The following PRKCD variants were observed in gnomAD, a reference collection of about 807,000 sequenced individuals.
The protein encoded by PRKCD is protein kinase C delta, also known as protein kinase C delta type.
A neutral mutation model predicts 82.2 loss-of-function variants in PRKCD; 20 were observed. The ratio of observed to expected loss-of-function variants is 0.24; its 90% CI spans 0.17 to 0.35. The LOEUF (loss-of-function observed/expected upper bound fraction) is 0.35, where lower values mean the gene tolerates loss of function less well. PRKCD is among the 10% of genes least tolerant of loss of function. The pLI is 1.00. For missense variants in PRKCD, 607 were observed against 899.0 expected, an observed-to-expected ratio of 0.68 and a Z score of 4.15; for synonymous variants, 317 against 337.0, an observed-to-expected ratio of 0.94 and a Z score of 0.65.
intron 1 of PRKCD, among the ~76,000 whole-genome samples, chr3:53,162,301 A>G: frequency 6.7e-6 from 1 of 149,910 alleles, no homozygotes. Context: ...CTGGTGGTGG[A>G]GCGGCAGAAG....
chr3:53,172,039 G>A (rs950803860), intron 2 of PRKCD, among the ~76,000 whole-genome samples: 55 of 152,174 alleles, frequency 3.6e-4, no homozygotes, highest in African/African-American at 9.4e-4. Context: ...GCTGGCTGGG[G>A]GATGAGGTAC....
At position 53,188,808 on chromosome 3, in the gene PRKCD, G is replaced by C; in HGVS notation, c.1504G>C (p.Glu502Gln). Residue 502 changes from glutamate (E) to glutamine (Q), a missense_variant, in exon 16 of 19, where the codon GAG becomes CAG. Transcript: ENST00000330452. ...GATGTGCAAAGAGAACATATTCGGG[G>C]AGAGCCGGGCCAGCACCTTCTGCGG... ...FGMCKENIFG[E>Q]SRASTFCGTP... 6.2e-7 allele frequency: 1 copy of C among 1,614,208 alleles called. No homozygotes were observed. The highest frequency in any genetic ancestry group is 8.5e-7 in the Non-Finnish European group (1 of 1,180,046).
rs568663378 is a variant in PRKCD at position 53,169,370 on chromosome 3, G to C, written c.-20+4155G>C. Among the ~76,000 whole-genome samples the C allele has an allele frequency of 5.9e-5, 9 of 152,266 alleles. No homozygotes were observed. Among genetic ancestry groups the C allele is most frequent in the South Asian group, 4.1e-4 (2 of 4,828 alleles). ...GGGCTCAACAGGCCTTCTAAGGGGT[G>C]GGGGAGCATTTGAGAGGCCCACGAA... On this transcript the variant is annotated intron_variant, in intron 2 of 18. Coordinates refer to ENST00000330452, the MANE Select transcript of PRKCD (RefSeq NM_006254.4). The surrounding 1 kb of genome is among the most constrained non-coding windows in gnomAD (Gnocchi z 4.7).
intron 1 of PRKCD, among the ~76,000 whole-genome samples, chr3:53,164,386 C>G (rs1276121801): frequency 6.6e-6 from 1 of 152,156 alleles, no homozygotes; most frequent in Admixed American, 6.5e-5. Flanking sequence ...AATTTGAGAC[C>G]AGCCTGGCCA....
chr3:53,171,872 C>G (rs1308360281), intron 2 of PRKCD, among the ~76,000 whole-genome samples: 1 of 152,064 alleles, frequency 6.6e-6, no homozygotes, highest in Non-Finnish European at 1.5e-5. Flanking sequence ...TGGGCTTTCT[C>G]CAGGGGCAGT....
intron 2 of PRKCD, among the ~76,000 whole-genome samples, 168 bp from the exon 3 acceptor site, chr3:53,178,235 GC>G (rs1703284622): frequency 6.6e-6 from 1 of 152,162 alleles, no homozygotes; most frequent in Non-Finnish European, 1.5e-5. Context: ...ACTGCGCCTG[GC>G]AAACCTCTCA....
At position 53,186,675 on chromosome 3, in the gene PRKCD, C is replaced by T; in HGVS notation, c.1332C>T (p.Arg444=). The change falls in exon 14 of 19, where the codon CGC becomes CGT. Residue 444 remains arginine, a synonymous_variant. Coordinates refer to ENST00000330452, the MANE Select transcript of PRKCD (RefSeq NM_006254.4). Reference sequence around the variant, plus strand: ...TGTACCACATCCAGGACAAAGGCCGCTTTGAACTCTACCGTGCCACGTACG... The same window carrying T: ...TGTACCACATCCAGGACAAAGGCCGTTTTGAACTCTACCGTGCCACGTACG... ...DLMYHIQDKG[R]FELYRATFYA... The T allele has an allele frequency of 6.2e-7, 1 of 1,613,956 alleles. No individual in the cohort carries two copies. Among genetic ancestry groups the T allele is most frequent in the Non-Finnish European group, 8.5e-7 (1 of 1,179,846 alleles).
Position 53,187,354 on chromosome 3 carries a change from A to G in PRKCD, c.1367A>G (p.Glu456Gly). ...CTCTTGCCCAGGTTTTATGCCGCTG[A>G]GATAATGTGTGGACTGCAGTTTCTA... ...ELYRATFYAA[E>G]IMCGLQFLHS... The change falls in exon 15 of 19, where the codon GAG becomes GGG. Residue 456 changes from glutamate (E) to glycine (G), a missense_variant. Physicochemically the swap from Glu to Gly is moderately conservative, Grantham distance 98. This residue lies in a region of PRKCD where 251 missense variants were observed against 423.9 expected (regional missense o/e 0.59). Transcript: ENST00000330452. The G allele has an allele frequency of 6.2e-7, 1 of 1,614,062 alleles. No individual in the cohort carries two copies. The highest frequency in any genetic ancestry group is 8.5e-7 in the Non-Finnish European group (1 of 1,180,016).
At chr3:53,172,032 G>A (rs1379833734) in intron 2 of PRKCD, among the ~76,000 whole-genome samples, 1 of 152,038 alleles carries the variant, frequency 6.6e-6, no homozygotes, top group Non-Finnish European at 1.5e-5. Flanking sequence ...GAGGAGCGCT[G>A]GCTGGGGGAT....
intron 4 of PRKCD, 105 bp from the exon 5 acceptor site, chr3:53,181,102 C>A: frequency 1.6e-6 from 2 of 1,264,924 alleles, no homozygotes; most frequent in Non-Finnish European, 2.2e-6. Flanking sequence ...CCTTGGGGGG[C>A]TGCCTTGGCC....
intron 15 of PRKCD, among the ~76,000 whole-genome samples, chr3:53,188,291 C>T (rs1703789175): frequency 6.7e-6 from 1 of 148,918 alleles, no homozygotes; most frequent in African/African-American, 2.5e-5. Flanking sequence ...TGATTGAGCT[C>T]AGTGGAAGGT....
rs782245021 is a variant in PRKCD, at chr3:53,179,792, G to A, written c.315+16G>A. 32 of 1,538,278 alleles carry A rather than the reference G, an allele frequency of 2.1e-5. No homozygotes were observed. Among genetic ancestry groups the A allele is most frequent in the Non-Finnish European group, 2.6e-5 (30 of 1,141,578 alleles). ...TGAGTTCTGGGTAAGGGGCGCACGA[G>A]CCGTGCCGTGTGTGTGTGTGTGTGT... On this transcript the variant is annotated intron_variant, in intron 4 of 18. Coordinates refer to ENST00000330452, the MANE Select transcript of PRKCD (RefSeq NM_006254.4).
At chr3:53,186,420 G>C (rs1703692085) in intron 13 of PRKCD, 80 bp downstream of exon 13, 1 of 1,571,708 alleles carries the variant, frequency 6.4e-7, no homozygotes. Context: ...TCAGGGCTGT[G>C]TCTCCCCTTC....
chr3:53,182,548 C>T (rs568114458), intron 7 of PRKCD, among the ~76,000 whole-genome samples: 9 of 152,116 alleles, frequency 5.9e-5, no homozygotes, highest in Non-Finnish European at 1.0e-4. Flanking sequence ...GGATTATAGG[C>T]GTGAGCCATC....
intron 2 of PRKCD, among the ~76,000 whole-genome samples, chr3:53,173,773 C>T (rs1282108310): frequency 6.6e-6 from 1 of 152,184 alleles, no homozygotes; most frequent in African/African-American, 2.4e-5. Context: ...AGCCACCATG[C>T]CTGGCCCTTC....
chr3:53,186,806 G>T, intron 14 of PRKCD, 111 bp downstream of exon 14: 2 of 1,146,660 alleles, frequency 1.7e-6, no homozygotes, highest in Non-Finnish European at 1.3e-6. Flanking sequence ...AGAAAAGCCA[G>T]CCTGGGCTAG....
At chr3:53,162,891 G>A (rs1313976159) in intron 1 of PRKCD, among the ~76,000 whole-genome samples, 2 of 152,108 alleles carry the variant, frequency 1.3e-5, no homozygotes, top group Non-Finnish European at 2.9e-5. Flanking sequence ...CTGTATAAGT[G>A]TGTGTATGTG....
intron 7 of PRKCD, among the ~76,000 whole-genome samples, chr3:53,182,653 T>G (rs1479237416): frequency 6.6e-6 from 1 of 152,244 alleles, no homozygotes; most frequent in Non-Finnish European, 1.5e-5. Flanking sequence ...AGCTGTATTT[T>G]AAGTGCCTTC....
rs532615302 is a variant in PRKCD, at chr3:53,165,090, TC to T, written c.-131-12del. On this transcript the variant is annotated splice_polypyrimidine_tract_variant and intron_variant, in intron 1 of 18. Coordinates refer to ENST00000330452, the MANE Select transcript of PRKCD (RefSeq NM_006254.4). ...GGTGCCTCCCGGCTCAGCTGTTTCC[TC>T]CTGTTCCTACAGGTCTGCAGGGAAC... The T allele has an allele frequency of 4.6e-5, 7 of 152,296 alleles. No individual in the cohort carries two copies. The East Asian group carries it at 1.4e-3, about 29-fold the overall frequency. 9.4% of individuals were successfully genotyped at this position (152,296 alleles called of 1,614,324 possible). A position where few individuals can be genotyped will look rare whatever the true frequency, so the allele number is the denominator to read the frequency against.
Sources: gnomAD v4.1 joint callset for allele counts (sites outside exome capture counted in the v4.1 genomes callset) on GRCh38, gnomAD v4.1.1 for gene constraint, gnomAD v4.1.1 regional missense constraint, Gnocchi (gnomAD v3.1) non-coding constraint, MANE v1.5 for transcripts, NCBI Gene and HGNC (gene_info 2026-07-23, HGNC 2026-07-21) for gene names.